Variants in KATNB1 observed in about 807,000 individuals in gnomAD.
The protein encoded by KATNB1 is katanin regulatory subunit B1, also known as katanin p80 WD40 repeat-containing subunit B1.
A neutral mutation model predicts 82.3 loss-of-function variants in KATNB1; 38 were observed. The ratio of observed to expected loss-of-function variants is 0.46; its 90% CI spans 0.36 to 0.61. KATNB1 has a LOEUF of 0.61. Ranked by LOEUF, KATNB1 falls within the 20% of genes least tolerant of loss-of-function variation. The pLI is 0.00. For missense variants in KATNB1, 749 were observed against 915.7 expected, an observed-to-expected ratio of 0.82 and a Z score of 2.35; for synonymous variants, 361 against 368.7, an observed-to-expected ratio of 0.98 and a Z score of 0.24.
chr16:57,756,814 G>A lies in KATNB1; in HGVS notation c.1836G>A (p.Arg612=), dbSNP rs535480748. The change falls in exon 20 of 20, where the codon AGG becomes AGA. Residue 612 remains arginine, a splice_region_variant and synonymous_variant. Coordinates refer to ENST00000379661, the MANE Select transcript of KATNB1 (RefSeq NM_005886.3). ...CCCTCAGGCACTGCCCTCTCTACAG[G>A]CTGCATAAGTGCCGGCTCTGCTACA... ...SVGVDISREE[R]LHKCRLCYKQ... is the part of the protein sequence containing the mutation. 5 of 1,564,832 alleles carry A rather than the reference G, an allele frequency of 3.2e-6. No homozygotes were observed. Among genetic ancestry groups the A allele is most frequent in the African/African-American group, 2.7e-5 (2 of 73,936 alleles).
rs1331887179 is a variant in KATNB1, at chr16:57,741,713, G to A, written c.67G>A (p.Val23Met). The change falls in exon 3 of 20, where the codon GTG becomes ATG. Residue 23 changes from valine to methionine, a missense_variant. Physicochemically the swap from Val to Met is conservative, Grantham distance 21 (BLOSUM62 1). This residue lies in a region of KATNB1 where 247 missense variants were observed against 349.4 expected (regional missense o/e 0.71). Transcript: ENST00000379661. The part of the protein sequence containing the change: ...LQEIVAHASN[V>M]SSLVLGKASG... ...AGAGATCGTCGCGCATGCCAGCAAC[G>A]TGTCCTCACTGGTGCTGGGCAAAGC... 1.9e-6 allele frequency: 3 copies of A among 1,613,902 alleles called. No homozygotes were observed. Among genetic ancestry groups the A allele is most frequent in the African/African-American group, 2.7e-5 (2 of 74,896 alleles).
Position 57,750,884 on chromosome 16 carries a change from A to G in KATNB1, c.347A>G (p.Tyr116Cys), listed in dbSNP as rs2148794022. 2 of 1,614,120 alleles carry G rather than the reference A, an allele frequency of 1.2e-6. No individual in the cohort carries two copies. The highest frequency in any genetic ancestry group is 1.3e-5 in the African/African-American group (1 of 75,020). ...ANICSLDFHP[Y>C]GEFVASGSQD... ...ATCTGCAGCCTGGATTTCCACCCGT[A>G]CGGCGAGTTTGTAGCCTCTGGTTCC... Residue 116 changes from tyrosine (Y) to cysteine (C), a missense_variant, in exon 5 of 20, where the codon TAC becomes TGC. Around this residue, in one of 3 missense-constraint regions of KATNB1, gnomAD observed 247 missense variants for 349.4 expected, o/e 0.71. Transcript: ENST00000379661.
At chr16:57,755,606 T>C (rs576195173) in intron 16 of KATNB1, 112 bp downstream of exon 16, 65 of 1,390,818 alleles carry the variant, frequency 4.7e-5, no homozygotes, top group East Asian at 9.3e-5. Flanking sequence ...CAGTGTGGGA[T>C]AGGCCATCCC....
At chr16:57,741,937 C>A in intron 3 of KATNB1, 120 bp downstream of exon 3, 2 of 1,196,706 alleles carry the variant, frequency 1.7e-6, no homozygotes, top group Non-Finnish European at 2.4e-6. Flanking sequence ...GCCCCCTATC[C>A]GCTGGGGCCC....
chr16:57,752,408 G>C, intron 8 of KATNB1, 122 bp from the exon 9 acceptor site: 5 of 878,206 alleles, frequency 5.7e-6, no homozygotes, highest in Non-Finnish European at 9.0e-6. Flanking sequence ...CTCTGCCCCA[G>C]ATGTTGCTCC....
At position 57,754,291 on chromosome 16, in the gene KATNB1, G is replaced by A. The variant is rs376247807; in HGVS notation, c.1228+296G>A. Among the ~76,000 whole-genome samples, 14 of 152,292 alleles carry A rather than the reference G, an allele frequency of 9.2e-5. No individual in the cohort carries two copies. In the East Asian group the frequency reaches 1.4e-3, roughly 15 times the overall value. ...TGTGGAGGATGGAGAGGAGTCACTG[G>A]GGGCCCACCTTAGATGGGGTCTGCT... is the stretch of plus-strand genomic sequence containing the variant. On this transcript the variant is annotated intron_variant, in intron 13 of 19. Transcript: ENST00000379661.
Position 57,751,431 on chromosome 16 carries a change from T to C in KATNB1, c.432+129T>C. ...TGGGTGATAACATAAAACATAGACC[T>C]GGAGCTGAGCAGGAGCGCCATGGGC... is the stretch of plus-strand genomic sequence containing the variant. On this transcript the variant is annotated intron_variant, in intron 6 of 19. Coordinates refer to ENST00000379661, the MANE Select transcript of KATNB1 (RefSeq NM_005886.3). This position sits in a 1 kb window ranked among gnomAD's most constrained non-coding sequence, Gnocchi z 6.3. The C allele has an allele frequency of 3.7e-6, 4 of 1,078,606 alleles. No homozygotes were observed. The Admixed American group carries it at 5.5e-5, about 15-fold the overall frequency. 66.8% of individuals were successfully genotyped at this position (1,078,606 alleles called of 1,614,324 possible).
At chr16:57,746,538 C>A (rs2049185461) in intron 4 of KATNB1, among the ~76,000 whole-genome samples, 1 of 152,184 alleles carries the variant, frequency 6.6e-6, no homozygotes, top group Non-Finnish European at 1.5e-5. Context: ...GAGAGTCTCG[C>A]CCACTGCTCC....
Position 57,755,341 on chromosome 16 carries a change from G to T in KATNB1, c.1417-4G>T. The T allele has an allele frequency of 1.2e-6, 2 of 1,612,914 alleles. No individual in the cohort carries two copies. The highest frequency in any genetic ancestry group is 1.7e-6 in the Non-Finnish European group (2 of 1,179,952). ...GCCAGCATCTGGGTGTCCATCCCAC[G>T]CAGGCCGTGAAGATCCCCCAGCAGG... is the stretch of plus-strand genomic sequence containing the variant. On this transcript the variant is annotated splice_region_variant and splice_polypyrimidine_tract_variant and intron_variant, in intron 15 of 19. Coordinates refer to ENST00000379661, the MANE Select transcript of KATNB1 (RefSeq NM_005886.3).
intron 4 of KATNB1, among the ~76,000 whole-genome samples, chr16:57,747,416 G>T (rs369820548): frequency 6.6e-6 from 1 of 152,210 alleles, no homozygotes; most frequent in East Asian, 1.9e-4. Context: ...CAGTGGCAAG[G>T]TTCCCTTTGC....
intron 4 of KATNB1, among the ~76,000 whole-genome samples, chr16:57,746,002 A>G (rs1399985420): frequency 6.6e-6 from 1 of 151,858 alleles, no homozygotes; most frequent in East Asian, 1.9e-4. Context: ...AATTCTCTCC[A>G]TCTGTTGTTC....
rs2049228418 is a variant in KATNB1, at chr16:57,751,589, G to C, written c.433-52G>C. ...CCATAGGAGTGAGGAGGCAGGGAGA[G>C]GTCTGTTGGGCCCAGGATCCCAGGG... On this transcript the variant is annotated intron_variant, in intron 6 of 19. Coordinates refer to ENST00000379661, the MANE Select transcript of KATNB1 (RefSeq NM_005886.3). This position sits in a 1 kb window ranked among gnomAD's most constrained non-coding sequence, Gnocchi z 6.3. The C allele has an allele frequency of 2.6e-6, 4 of 1,520,026 alleles. No homozygotes were observed. The African/African-American group carries it at 4.1e-5, about 16-fold the overall frequency. 94.2% of individuals were successfully genotyped at this position (1,520,026 alleles called of 1,614,324 possible). A position where few individuals can be genotyped will look rare whatever the true frequency, so the allele number is the denominator to read the frequency against.
intron 3 of KATNB1, among the ~76,000 whole-genome samples, chr16:57,744,038 C>T (rs2049163445): frequency 6.6e-6 from 1 of 152,220 alleles, no homozygotes; most frequent in Admixed American, 6.5e-5. Flanking sequence ...AGAGCGGGGG[C>T]AGGGTTGCTT....
In KATNB1 at chr16:57,737,255, TG is replaced by T; in HGVS notation, c.13del (p.Val5TrpfsTer53). The stretch of plus-strand genomic sequence containing the variant: ...CAGCCAGCTGAAGGATGGCCACCCC[TG>T]TGGTCACCAAGACAGCCTGGAAGTT... Reference protein sequence around the residue: MATPVVTKTAWKLQE... With the variant: MATPXVTKTAWKLQE... On this transcript the variant is annotated frameshift_variant, in exon 2 of 20. Transcript: ENST00000379661. LOFTEE classifies it high-confidence loss of function. The T allele has an allele frequency of 6.2e-7, 1 of 1,614,258 alleles. No individual in the cohort carries two copies. The highest frequency in any genetic ancestry group is 8.5e-7 in the Non-Finnish European group (1 of 1,180,038).
chr16:57,755,934 G>C lies in KATNB1; in HGVS notation c.1643+17G>C, dbSNP rs146270892. The C allele has an allele frequency of 4.7e-3, 7,591 of 1,605,970 alleles. 141 individuals are homozygous for C. The highest frequency in any genetic ancestry group is 0.031 in the East Asian group (1,395 of 44,642). On this transcript the variant is annotated intron_variant, in intron 17 of 19. Transcript: ENST00000379661. The stretch of plus-strand genomic sequence containing the variant: ...CCAGAAAGCGTAAGTGGCTGCAGAG[G>C]GGGAGTGGGCGGAGGGGCAGGGCTG...
At position 57,753,213 on chromosome 16, in the gene KATNB1, C is replaced by A. The variant is rs2049244137; in HGVS notation, c.992C>A (p.Ala331Asp). 1 of 1,607,606 alleles carries A rather than the reference C, an allele frequency of 6.2e-7. No individual in the cohort carries two copies. Among genetic ancestry groups the A allele is most frequent in the Non-Finnish European group, 8.5e-7 (1 of 1,178,668 alleles). Residue 331 changes from alanine to aspartate, a missense_variant, in exon 11 of 20, where the codon GCC becomes GAC. Physicochemically the swap from Ala to Asp is moderately radical, Grantham distance 126. This residue lies in a region of KATNB1 where 407 missense variants were observed against 434.7 expected (regional missense o/e 0.94). Transcript: ENST00000379661. ...PLAQPLPNPS[A>D]PLRRIYERPS... ...GCACAGCCACTGCCCAACCCCAGCG[C>A]CCCCCTCCGGCGCATCTATGAGCGG...
Position 57,752,839 on chromosome 16 carries a change from G to A in KATNB1, c.766G>A (p.Val256Ile). 1 of 1,611,030 alleles carries A rather than the reference G, an allele frequency of 6.2e-7. No homozygotes were observed. The highest frequency in any genetic ancestry group is 8.5e-7 in the Non-Finnish European group (1 of 1,179,856). The change falls in exon 10 of 20, where the codon GTC (valine) becomes ATC (isoleucine). Residue 256 changes from valine to isoleucine, a missense_variant. Val to Ile is a conservative substitution (Grantham distance 29). Coordinates refer to ENST00000379661, the MANE Select transcript of KATNB1 (RefSeq NM_005886.3). ...LYSGCQDSLR[V>I]YGWEPERCFD... is the part of the protein sequence containing the mutation. Reference sequence around the variant, plus strand: ...CAGCGGCTGCCAGGACTCACTGCGTGTCTACGGCTGGGAACCTGAGCGGTG... The same window carrying A: ...CAGCGGCTGCCAGGACTCACTGCGTATCTACGGCTGGGAACCTGAGCGGTG...
intron 8 of KATNB1, 56 bp downstream of exon 8, chr16:57,752,111 C>A: frequency 1.8e-6 from 2 of 1,105,578 alleles, no homozygotes; most frequent in African/African-American, 1.5e-5. Context: ...ACCGCCTTGT[C>A]CTCTGTGCGT....
chr16:57,754,827 C>T, intron 13 of KATNB1, 103 bp from the exon 14 acceptor site: 1 of 1,199,708 alleles, frequency 8.3e-7, no homozygotes, highest in Non-Finnish European at 1.2e-6. Context: ...TGCTCCTGCT[C>T]CATCCCCCCA....
Sources: allele counts gnomAD v4.1 joint callset (sites outside exome capture counted in the v4.1 genomes callset), GRCh38; gene constraint gnomAD v4.1.1; regional missense constraint gnomAD v4.1.1; non-coding constraint Gnocchi (gnomAD v3.1); transcripts MANE v1.5; gene names NCBI Gene and HGNC (gene_info 2026-07-23, HGNC 2026-07-21).